Variants in CBLB observed in about 807,000 individuals in gnomAD.
The protein encoded by CBLB is E3 ubiquitin-protein ligase CBL-B.
CBLB carries 31 observed loss-of-function variants against 104.9 expected under a neutral mutation model. The observed-to-expected ratio is 0.30, with a 90% confidence interval of 0.22 to 0.40. The LOEUF is 0.40. Among genes scored for constraint, CBLB ranks in the 10% least tolerant of loss-of-function variants. The pLI, the probability that CBLB is intolerant of heterozygous loss-of-function variation, is 1.00. For synonymous variants in CBLB, 440 were observed against 422.6 expected, an observed-to-expected ratio of 1.04 and a Z score of -0.51; for missense variants, 1,062 against 1,214.6, an observed-to-expected ratio of 0.87 and a Z score of 1.87.
intron 4 of CBLB, among the ~76,000 whole-genome samples, chr3:105,760,715 A>G (rs2077536933): frequency 6.6e-6 from 1 of 152,064 alleles, no homozygotes; most frequent in East Asian, 1.9e-4. Flanking sequence ...TCCTAGATGT[A>G]TAAGATAAAC....
At position 105,853,527 on chromosome 3, in the gene CBLB, A is replaced by C; in HGVS notation, c.306T>G (p.Ser102Arg). The change falls in exon 3 of 19, where the codon AGT becomes AGG. Residue 102 changes from serine (S) to arginine (R), a missense_variant. This residue lies in a region of CBLB where 457 missense variants were observed against 632.0 expected (regional missense o/e 0.72). Transcript: ENST00000394030. ...YDDNQKLAQLSENEYFKIYID... is the reference protein window; with the variant it reads ...YDDNQKLAQLRENEYFKIYID... Reference sequence around the variant, plus strand: ...TGTAGATTTTAAAGTACTCATTCTCACTGAGTTGGGCAAGTTTCTGGTTGT... The same window carrying C: ...TGTAGATTTTAAAGTACTCATTCTCCCTGAGTTGGGCAAGTTTCTGGTTGT... 6.2e-7 allele frequency: 1 copy of C among 1,613,656 alleles called. No homozygotes were observed. Among genetic ancestry groups the C allele is most frequent in the South Asian group, 1.1e-5 (1 of 91,072 alleles).
chr3:105,684,987 GA>G (rs2066831653), intron 14 of CBLB, among the ~76,000 whole-genome samples: 1 of 152,190 alleles, frequency 6.6e-6, no homozygotes, highest in Non-Finnish European at 1.5e-5. Context: ...AGTACATCAA[GA>G]AGGAAAATGA....
chr3:105,676,813 G>T (rs946451002), intron 17 of CBLB, among the ~76,000 whole-genome samples: 7 of 152,116 alleles, frequency 4.6e-5, no homozygotes, highest in African/African-American at 1.7e-4. Context: ...CATGGGGGTG[G>T]TTCCCCCATG....
At chr3:105,679,217 T>A in intron 16 of CBLB, among the ~76,000 whole-genome samples, 1 of 151,892 alleles carries the variant, frequency 6.6e-6, no homozygotes, top group East Asian at 1.9e-4. Flanking sequence ...AAGCACTACT[T>A]ACATTTGCAT....
intron 2 of CBLB, among the ~76,000 whole-genome samples, chr3:105,867,187 G>C (rs1011172491): frequency 1.3e-5 from 2 of 152,108 alleles, no homozygotes; most frequent in African/African-American, 4.8e-5. Context: ...TCATGTAGAG[G>C]AACTCTGAAC....
At chr3:105,704,999 C>T (rs1439342866) in intron 10 of CBLB, among the ~76,000 whole-genome samples, 1 of 151,754 alleles carries the variant, frequency 6.6e-6, no homozygotes, top group Non-Finnish European at 1.5e-5. Context: ...AATCAAGTAG[C>T]CTTAACAGGA....
chr3:105,784,571 C>T (rs1295129079), intron 3 of CBLB, among the ~76,000 whole-genome samples: 1 of 152,156 alleles, frequency 6.6e-6, no homozygotes, highest in Non-Finnish European at 1.5e-5. Flanking sequence ...AGTAGTCTAT[C>T]ATAAAACAGT....
In CBLB at chr3:105,803,742, T is replaced by C. The variant is rs780175860; in HGVS notation, c.420-27200A>G. Among the ~76,000 whole-genome samples, 42 of 152,180 alleles carry C rather than the reference T, an allele frequency of 2.8e-4. 1 individual carries two copies. The highest frequency in any genetic ancestry group is 1.2e-4 in the Non-Finnish European group (8 of 68,018). On this transcript the variant is annotated intron_variant, in intron 3 of 18. Coordinates refer to ENST00000394030, the MANE Select transcript of CBLB (RefSeq NM_170662.5). ...ATATAACAAAGTTAATAAAGCCGGGTACACATTCTTAAAGATAATAGAATG... is the reference window on the plus strand; with the variant it reads ...ATATAACAAAGTTAATAAAGCCGGGCACACATTCTTAAAGATAATAGAATG...
intron 9 of CBLB, among the ~76,000 whole-genome samples, chr3:105,731,611 T>TTTA (rs139569382): frequency 4.6e-5 from 7 of 151,872 alleles, no homozygotes; most frequent in Non-Finnish European, 7.4e-5. Flanking sequence ...AAACAACTAT[T>TTTA]TTATTATTAT....
chr3:105,734,191 A>C (rs2074652114), intron 8 of CBLB, 51 bp from the exon 9 acceptor site: 3 of 1,575,214 alleles, frequency 1.9e-6, no homozygotes, highest in Non-Finnish European at 2.6e-6. Flanking sequence ...TTCCAGCACA[A>C]ATTGTTAGTA....
chr3:105,708,902 G>T (rs1288616061), intron 10 of CBLB, among the ~76,000 whole-genome samples: 1 of 151,544 alleles, frequency 6.6e-6, no homozygotes, highest in African/African-American at 2.4e-5. Flanking sequence ...GATGTAAAAG[G>T]GACAGAATGT....
chr3:105,851,585 A>G (rs1340855788), intron 3 of CBLB, among the ~76,000 whole-genome samples: 4 of 152,244 alleles, frequency 2.6e-5, no homozygotes, highest in African/African-American at 9.6e-5. Flanking sequence ...CACTACACCA[A>G]TGCAAGATGT....
At chr3:105,809,440 G>A (rs557972057) in intron 3 of CBLB, among the ~76,000 whole-genome samples, 1 of 152,296 alleles carries the variant, frequency 6.6e-6, no homozygotes, top group African/African-American at 2.4e-5. Context: ...TACCAGCTCA[G>A]TAGATGCTCC....
At chr3:105,675,564 T>G (rs2065516666) in intron 17 of CBLB, among the ~76,000 whole-genome samples, 1 of 152,042 alleles carries the variant, frequency 6.6e-6, no homozygotes, top group South Asian at 2.1e-4. Context: ...GGTTTTAAAT[T>G]TGAATCAAAA....
intron 6 of CBLB, among the ~76,000 whole-genome samples, chr3:105,745,217 T>C (rs2075990149): frequency 6.6e-6 from 1 of 152,186 alleles, no homozygotes; most frequent in Non-Finnish European, 1.5e-5. Context: ...AATGCATTTT[T>C]AGATGAAATA....
intron 2 of CBLB, among the ~76,000 whole-genome samples, chr3:105,854,033 C>T (rs1445188368): frequency 1.3e-5 from 2 of 152,152 alleles, no homozygotes; most frequent in South Asian, 2.1e-4. Flanking sequence ...CAATGTCTCA[C>T]ATTTATATGT....
chr3:105,713,248 G>C (rs938392307), intron 10 of CBLB, among the ~76,000 whole-genome samples: 13 of 152,078 alleles, frequency 8.5e-5, no homozygotes, highest in Non-Finnish European at 1.9e-4. Flanking sequence ...CTTGGGGGAA[G>C]GGGAGTGGGA....
intron 3 of CBLB, among the ~76,000 whole-genome samples, chr3:105,799,190 A>G (rs1161448180): frequency 1.3e-5 from 2 of 151,682 alleles, no homozygotes; most frequent in Non-Finnish European, 2.9e-5. Context: ...AAAAAAAAAA[A>G]AAAAGAAATC....
At chr3:105,786,992 T>A (rs1341024407) in intron 3 of CBLB, among the ~76,000 whole-genome samples, 1 of 152,218 alleles carries the variant, frequency 6.6e-6, no homozygotes, top group Non-Finnish European at 1.5e-5. Context: ...AATTTAGATG[T>A]CAATGGTCTC....
Sources: allele counts gnomAD v4.1 joint callset (sites outside exome capture counted in the v4.1 genomes callset), GRCh38; gene constraint gnomAD v4.1.1; regional missense constraint gnomAD v4.1.1; transcripts MANE v1.5; gene names NCBI Gene and HGNC (gene_info 2026-07-23, HGNC 2026-07-21).